Variants in PPP1R37 observed in about 807,000 individuals in gnomAD.
The protein encoded by PPP1R37 is leucine rich repeat containing 68.
Under a neutral mutation model 61.0 loss-of-function variants are expected in PPP1R37, and 21 were observed. The observed-to-expected ratio is 0.34, with a 90% CI of 0.24 to 0.50. The LOEUF (loss-of-function observed/expected upper bound fraction) is 0.50. Among genes scored for constraint, PPP1R37 ranks in the 20% least tolerant of loss-of-function variants. PPP1R37 has a pLI of 0.98. For missense variants in PPP1R37, 910 were observed against 952.7 expected, an observed-to-expected ratio of 0.96 and a Z score of 0.59; for synonymous variants, 443 against 433.5, an observed-to-expected ratio of 1.02 and a Z score of -0.27.
intron 1 of PPP1R37, among the ~76,000 whole-genome samples, chr19:45,105,417 G>A (rs911855480): frequency 1.3e-5 from 2 of 152,084 alleles, no homozygotes; most frequent in Admixed American, 1.3e-4. Flanking sequence ...TTCCCACTGC[G>A]CGTCAGTGTT....
At chr19:45,128,827 A>G (rs781194358) in intron 1 of PPP1R37, 2 of 618,222 alleles carry the variant, frequency 3.2e-6, no homozygotes, top group Non-Finnish European at 6.0e-6. Context: ...ATCAAAAGGA[A>G]TGACTCCCAG....
chr19:45,137,663 T>TGGGAGTG (rs1227610488), intron 1 of PPP1R37, among the ~76,000 whole-genome samples: 1 of 152,100 alleles, frequency 6.6e-6, no homozygotes, highest in Non-Finnish European at 1.5e-5. Flanking sequence ...GAGAGTGTTT[T>TGGGAGTG]GGGAGTGGGG....
intron 3 of PPP1R37, 36 bp from the exon 4 acceptor site, chr19:45,140,470 G>A: frequency 6.7e-7 from 1 of 1,488,446 alleles, no homozygotes; most frequent in African/African-American, 1.4e-5. Flanking sequence ...AAGGTGCACT[G>A]TCTTAGACAT....
chr19:45,106,496 G>A (rs1968132951), intron 1 of PPP1R37, among the ~76,000 whole-genome samples: 1 of 151,918 alleles, frequency 6.6e-6, no homozygotes, highest in African/African-American at 2.4e-5. Flanking sequence ...CACCCGCCTC[G>A]GCCTCCCAAA....
At chr19:45,140,428 G>GGGGGGGGGGGT in intron 3 of PPP1R37, 78 bp from the exon 4 acceptor site, 1 of 1,274,278 alleles carries the variant, frequency 7.8e-7, no homozygotes, top group Non-Finnish European at 1.1e-6. Flanking sequence ...GGGGGTGGGA[G>GGGGGGGGGGGT]GTTGGGGGCA....
At chr19:45,124,566 C>T (rs1968378353) in intron 1 of PPP1R37, among the ~76,000 whole-genome samples, 1 of 152,130 alleles carries the variant, frequency 6.6e-6, no homozygotes, top group African/African-American at 2.4e-5. Flanking sequence ...TCTCACGCAT[C>T]ATCTGTGTGC....
At chr19:45,132,662 G>A (rs1280168598) in intron 1 of PPP1R37, among the ~76,000 whole-genome samples, 3 of 152,036 alleles carry the variant, frequency 2.0e-5, no homozygotes, top group African/African-American at 7.2e-5. Context: ...TCGAACTCCT[G>A]GCCTCAAGTG....
chr19:45,141,193 C>T lies in PPP1R37; in HGVS notation c.448-129C>T, dbSNP rs1197848867. On this transcript the variant is annotated intron_variant, in intron 4 of 12. Transcript: ENST00000221462. ...TCACGGGGCCCTGTCTGTGCTTGTC[C>T]TCCTCTCCCGTGTGGCTCTCTCCAG... is the stretch of plus-strand genomic sequence containing the variant. The T allele has an allele frequency of 2.3e-5, 24 of 1,030,328 alleles. No individual in the cohort carries two copies. In the East Asian group the frequency reaches 5.5e-4, roughly 24 times the overall value. The allele number at this position is 1,030,328 out of a possible 1,614,324, so 63.8% of individuals were successfully genotyped here.
chr19:45,113,081 A>C (rs1195701927), intron 1 of PPP1R37, among the ~76,000 whole-genome samples: 1 of 151,918 alleles, frequency 6.6e-6, no homozygotes, highest in African/African-American at 2.4e-5. Flanking sequence ...CTAACTACAC[A>C]CCCCTTCCAT....
chr19:45,129,984 G>A (rs1968456031), intron 1 of PPP1R37, among the ~76,000 whole-genome samples: 1 of 152,200 alleles, frequency 6.6e-6, no homozygotes, highest in Admixed American at 6.5e-5. Context: ...CTCTGAAAAG[G>A]GGATAGTAAA....
In PPP1R37 at chr19:45,107,665, C is replaced by T. The variant is rs191029205; in HGVS notation, c.202+14138C>T. 5.3e-5 allele frequency among the ~76,000 whole-genome samples: 8 copies of T among 152,290 alleles called. No individual in the cohort carries two copies. In the East Asian group the frequency reaches 7.7e-4, roughly 15 times the overall value. ...TATTGAGTTGTGAGAGTTCTATATA[C>T]GTGTATCCCGGATGCAGGACTTCTC... On this transcript the variant is annotated intron_variant, in intron 1 of 12. Coordinates refer to ENST00000221462, the MANE Select transcript of PPP1R37 (RefSeq NM_019121.2).
chr19:45,137,586 C>A (rs1968554538), intron 1 of PPP1R37, among the ~76,000 whole-genome samples: 1 of 152,198 alleles, frequency 6.6e-6, no homozygotes, highest in African/African-American at 2.4e-5. Context: ...CCTGTCTCTT[C>A]CAACTGCTTC....
chr19:45,145,241 G>A lies in PPP1R37; in HGVS notation c.1277G>A (p.Arg426His). The A allele has an allele frequency of 3.3e-6, 5 of 1,533,010 alleles. No individual in the cohort carries two copies. The highest frequency in any genetic ancestry group is 1.2e-5 in the South Asian group (1 of 83,720). 95.0% of individuals were successfully genotyped at this position (1,533,010 alleles called of 1,614,324 possible). Residue 426 changes from arginine to histidine, a missense_variant, in exon 10 of 13, where the codon CGT becomes CAT. By Grantham distance (29) the Arg-to-His change is conservative. Transcript: ENST00000221462. ...TCACTGCTGCGCCTGGACCTCGACCGTGAACCCAAGAAAGAGGCGGTGAGC... is the reference window on the plus strand; with the variant it reads ...TCACTGCTGCGCCTGGACCTCGACCATGAACCCAAGAAAGAGGCGGTGAGC... ...NHSLLRLDLD[R>H]EPKKEAVKSF... is the part of the protein sequence containing the mutation.
chr19:45,124,516 G>T (rs1308428983), intron 1 of PPP1R37, among the ~76,000 whole-genome samples: 1 of 152,098 alleles, frequency 6.6e-6, no homozygotes, highest in African/African-American at 2.4e-5. Context: ...TGTCTGCCTG[G>T]CCTTTCCTCA....
At position 45,145,949 on chromosome 19, in the gene PPP1R37, A is replaced by T; in HGVS notation, c.1893A>T (p.Pro631=). The change falls in exon 11 of 13, where the codon CCA becomes CCT. Residue 631 remains proline (P), a synonymous_variant. Transcript: ENST00000221462. ...QPPPEPPRSG[P]PLPNGLKPEF... ...CACCGGAGCCGCCTCGGTCAGGGCC[A>T]CCACTGCCCAACGGCCTGAAGCCCG... 6.5e-7 allele frequency: 1 copy of T among 1,534,366 alleles called. No homozygotes were observed. The highest frequency in any genetic ancestry group is 8.7e-7 in the Non-Finnish European group (1 of 1,146,344).
At chr19:45,105,419 G>A (rs962302909) in intron 1 of PPP1R37, among the ~76,000 whole-genome samples, 2 of 152,062 alleles carry the variant, frequency 1.3e-5, no homozygotes, top group South Asian at 2.1e-4. Flanking sequence ...CCCACTGCGC[G>A]TCAGTGTTTC....
At chr19:45,133,853 C>T (rs1968506853) in intron 1 of PPP1R37, among the ~76,000 whole-genome samples, 1 of 152,180 alleles carries the variant, frequency 6.6e-6, no homozygotes, top group Non-Finnish European at 1.5e-5. Context: ...CCAAGCTGGC[C>T]CTGTGGTCAG....
rs560808423 is a variant in PPP1R37, at chr19:45,106,988, T to C, written c.202+13461T>C. Among the ~76,000 whole-genome samples the C allele has an allele frequency of 5.9e-5, 9 of 151,746 alleles. No individual in the cohort carries two copies. The South Asian group carries it at 1.9e-3, about 32-fold the overall frequency. ...CCCGCCACCATGCCCGGCTAATTTTTTGTGTTTTTAGTAGAGACGGGATTT... is the reference window on the plus strand; with the variant it reads ...CCCGCCACCATGCCCGGCTAATTTTCTGTGTTTTTAGTAGAGACGGGATTT... On this transcript the variant is annotated intron_variant, in intron 1 of 12. Coordinates refer to ENST00000221462, the MANE Select transcript of PPP1R37 (RefSeq NM_019121.2).
rs1968468950 is a variant in PPP1R37, at chr19:45,130,937, CGCACAG to C, written c.203-7576_203-7571del. ...CACCCTCCCACTGTGTCCCCCAGCC[CGCACAG>C]TGTTGCTTCCTGGTGTTTTGACTCC... On this transcript the variant is annotated intron_variant, in intron 1 of 12. Coordinates refer to ENST00000221462, the MANE Select transcript of PPP1R37 (RefSeq NM_019121.2). This position sits in a 1 kb window ranked among gnomAD's most constrained non-coding sequence, Gnocchi z 4.4. 6.6e-6 allele frequency among the ~76,000 whole-genome samples: 1 copy of C among 152,162 alleles called. No individual in the cohort carries two copies. Among genetic ancestry groups the C allele is most frequent in the African/African-American group, 2.4e-5 (1 of 41,430 alleles).
Sources: allele counts gnomAD v4.1 joint callset (sites outside exome capture counted in the v4.1 genomes callset), GRCh38; gene constraint gnomAD v4.1.1; non-coding constraint Gnocchi (gnomAD v3.1); transcripts MANE v1.5; gene names NCBI Gene and HGNC (gene_info 2026-07-23, HGNC 2026-07-21).